MCM7: variants seen among roughly 807,000 people sequenced by gnomAD.
MCM7 encodes DNA replication licensing factor MCM7.
MCM7 carries 95 observed loss-of-function variants against 83.5 expected under a neutral mutation model. The ratio of observed to expected loss-of-function variants is 1.14; its 90% confidence interval spans 0.96 to 1.35. MCM7 has a LOEUF of 1.35. Ranked by LOEUF, MCM7 falls within the 40% of genes most tolerant of loss-of-function variation. The probability of loss-of-function intolerance (pLI) is 0.00; values close to 1 mark genes in which losing one functional copy is unlikely to be tolerated. For missense variants in MCM7, 1,087 were observed against 957.4 expected, an observed-to-expected ratio of 1.14 and a Z score of -1.79; for synonymous variants, 461 against 352.7, an observed-to-expected ratio of 1.31 and a Z score of -3.44.
chr7:100,100,164 A>T, intron 1 of MCM7, 71 bp from the exon 2 acceptor site: 1 of 1,579,498 alleles, frequency 6.3e-7, no homozygotes. Context: ...TTTCGCTTAA[A>T]ACACGACCTA....
rs781437437 is a variant in MCM7, at chr7:100,100,053, A to G, written c.72T>C (p.Asp24=). The change falls in exon 2 of 15, where the codon GAT becomes GAC. Residue 24 remains aspartate (D), a synonymous_variant. Transcript: ENST00000303887. ...ACTTGAACTGCTTCTTCCCGAGTTC[A>G]TCATCCTGGTAGAACTCTTGTAAGA... is the stretch of plus-strand genomic sequence containing the variant. ...KKFLQEFYQD[D]ELGKKQFKYG... is the part of the protein sequence containing the mutation. 4 of 1,614,160 alleles carry G rather than the reference A, an allele frequency of 2.5e-6. No homozygotes were observed. The highest frequency in any genetic ancestry group is 3.4e-6 in the Non-Finnish European group (4 of 1,179,982).
At chr7:100,100,123 A>G (rs1231432953) in intron 1 of MCM7, 30 bp from the exon 2 acceptor site, 3 of 1,611,676 alleles carry the variant, frequency 1.9e-6, no homozygotes, top group East Asian at 2.2e-5. Context: ...ACCGTAAGAC[A>G]CAAACTTTAA....
chr7:100,092,901 AGAG>A lies in MCM7; in HGVS notation c.*28_*30del, dbSNP rs1795387278. 2 of 1,613,572 alleles carry A rather than the reference AGAG, an allele frequency of 1.2e-6. No individual in the cohort carries two copies. Among genetic ancestry groups the A allele is most frequent in the Non-Finnish European group, 1.7e-6 (2 of 1,179,634 alleles). ...CCAAGGGGCAGGCCAGCAGGGAACAAGAGGACCCCAGGGTTGCAAGCAGGCTGG... is the reference window on the plus strand; with the variant it reads ...CCAAGGGGCAGGCCAGCAGGGAACAAGACCCCAGGGTTGCAAGCAGGCTGG... On this transcript the variant is annotated 3_prime_UTR_variant, in exon 15 of 15. Coordinates refer to ENST00000303887, the MANE Select transcript of MCM7 (RefSeq NM_005916.5).
chr7:100,094,967 G>A (rs1795540220), intron 12 of MCM7, among the ~76,000 whole-genome samples: 1 of 152,112 alleles, frequency 6.6e-6, no homozygotes, highest in South Asian at 2.1e-4. Flanking sequence ...CCAGCACTTT[G>A]GGAGGCAGAG....
rs1310309848 is a variant in MCM7 at position 100,093,300 on chromosome 7, C to G, written c.1950G>C (p.Gln650His). ...SKDSLLGDKG[Q>H]TARTQRPADV... ...TTCACTAAACCACTCACCTAGCTGT[C>G]TGCCCCTTGTCTCCTAGAAGAGAGT... Residue 650 changes from glutamine to histidine, a missense_variant, in exon 14 of 15, where the codon CAG becomes CAC. Transcript: ENST00000303887. The G allele has an allele frequency of 6.2e-7, 1 of 1,613,548 alleles. No individual in the cohort carries two copies. Among genetic ancestry groups the G allele is most frequent in the Admixed American group, 1.7e-5 (1 of 60,030 alleles).
Position 100,092,796 on chromosome 7 carries a change from CTT to C in MCM7, c.*134_*135del, listed in dbSNP as rs1024753829. 38 of 901,192 alleles carry C rather than the reference CTT, an allele frequency of 4.2e-5. No homozygotes were observed. In the African/African-American group the frequency reaches 4.5e-4, roughly 11 times the overall value. The allele number at this position is 901,192 out of a possible 1,614,324, so 55.8% of individuals were successfully genotyped here. ...GCTAGAAGATGACAATCTACAAACA[CTT>C]TTATTAGCAAAAGGAGTAAGTGCAG... On this transcript the variant is annotated 3_prime_UTR_variant, in exon 15 of 15. Transcript: ENST00000303887.
At position 100,093,022 on chromosome 7, in the gene MCM7, T is replaced by C; in HGVS notation, c.2070A>G (p.Thr690=). The part of the protein sequence containing the change: ...AEQRCVSRGF[T]PAQFQAALDE... ...CCAGAGCCGCCTGGAACTGGGCGGGTGTGAAGCCACGAGATACACAGCGCT... is the reference window on the plus strand; with the variant it reads ...CCAGAGCCGCCTGGAACTGGGCGGGCGTGAAGCCACGAGATACACAGCGCT... Residue 690 remains threonine (T), a synonymous_variant, in exon 15 of 15, where the codon ACA becomes ACG. Transcript: ENST00000303887. 4.3e-6 allele frequency: 7 copies of C among 1,614,120 alleles called. No individual in the cohort carries two copies. Among genetic ancestry groups the C allele is most frequent in the South Asian group, 1.1e-5 (1 of 91,078 alleles).
At chr7:100,098,797 C>A (rs543822923) in intron 5 of MCM7, 82 bp from the exon 6 acceptor site, 2 of 1,557,628 alleles carry the variant, frequency 1.3e-6, no homozygotes, top group African/African-American at 1.4e-5. Flanking sequence ...CACATTTTCT[C>A]TTCATGGCAG....
At chr7:100,101,138 C>A in intron 1 of MCM7, 126 bp downstream of exon 1, 2 of 1,225,120 alleles carry the variant, frequency 1.6e-6, no homozygotes, top group South Asian at 1.3e-5. Context: ...CAGCTCGACC[C>A]TGCCTCTGGC....
Position 100,099,296 on chromosome 7 carries a change from A to G in MCM7, c.384T>C (p.Ala128=). The stretch of plus-strand genomic sequence containing the variant: ...CCACTCACAATCTGCGCATGAGTTC[A>G]GCAGGGTACTGGTTCTGGGGGCTTC... ...MVRSPQNQYP[A]ELMRRFELYF... is the part of the protein sequence containing the mutation. The change falls in exon 4 of 15, where the codon GCT becomes GCC. Residue 128 remains alanine, a synonymous_variant. Transcript: ENST00000303887. 1.2e-6 allele frequency: 2 copies of G among 1,614,134 alleles called. No individual in the cohort carries two copies. Among genetic ancestry groups the G allele is most frequent in the Non-Finnish European group, 1.7e-6 (2 of 1,180,022 alleles).
Position 100,094,322 on chromosome 7 carries a change from G to C in MCM7, c.1699C>G (p.Arg567Gly), listed in dbSNP as rs28665367. The C allele has an allele frequency of 6.2e-7, 1 of 1,614,104 alleles. No individual in the cohort carries two copies. Among genetic ancestry groups the C allele is most frequent in the South Asian group, 1.1e-5 (1 of 91,086 alleles). ...KLMRRYIAMC[R>G]EKQPMVPESL... is the part of the protein sequence containing the mutation. ...TCTGGCACCATGGGCTGCTTCTCGC[G>C]GCACATGGCTATGTAACGCCTGTGG... The change falls in exon 13 of 15, where the codon CGC becomes GGC. Residue 567 changes from arginine to glycine, a missense_variant. Coordinates refer to ENST00000303887, the MANE Select transcript of MCM7 (RefSeq NM_005916.5).
In MCM7 at chr7:100,097,707, G is replaced by A; in HGVS notation, c.1024C>T (p.Pro342Ser). The A allele has an allele frequency of 2.5e-6, 4 of 1,614,140 alleles. No homozygotes were observed. Among genetic ancestry groups the A allele is most frequent in the Non-Finnish European group, 3.4e-6 (4 of 1,180,034 alleles). Reference protein sequence around the residue: ...FYEKLAASIAPEIYGHEDVKK... With the variant: ...FYEKLAASIASEIYGHEDVKK... ...ACATCTTCATGCCCGTATATTTCTG[G>A]GGCGATTGAAGCTGCCAGCTTTTCG... The change falls in exon 9 of 15, where the codon CCA becomes TCA. Residue 342 changes from proline to serine, a missense_variant. Pro to Ser is a moderately conservative substitution (Grantham distance 74). Transcript: ENST00000303887.
Position 100,099,707 on chromosome 7 carries a change from T to C in MCM7, c.158A>G (p.Asp53Gly). The change falls in exon 3 of 15, where the codon GAC becomes GGC. Residue 53 changes from aspartate (D) to glycine (G), a missense_variant. Transcript: ENST00000303887. ...REQVALYVDL[D>G]DVAEDDPELV... ...CTCGGGGTCATCCTCGGCTACGTCG[T>C]CCAGGTCCACATACAGAGCCACCTG... 6.2e-7 allele frequency: 1 copy of C among 1,614,154 alleles called. No homozygotes were observed. The highest frequency in any genetic ancestry group is 8.5e-7 in the Non-Finnish European group (1 of 1,180,038).
At position 100,098,684 on chromosome 7, in the gene MCM7, A is replaced by G. The variant is rs748332749; in HGVS notation, c.614T>C (p.Met205Thr). Residue 205 changes from methionine (M) to threonine (T), a missense_variant, in exon 6 of 15, where the codon ATG (methionine) becomes ACG (threonine). Coordinates refer to ENST00000303887, the MANE Select transcript of MCM7 (RefSeq NM_005916.5). Reference sequence around the variant, plus strand: ...GGTTTGGCACTCCTGGCTTGGGCACATGATCAGAGGCATGAAAGTGGGAGA... The same window carrying G: ...GGTTTGGCACTCCTGGCTTGGGCACGTGATCAGAGGCATGAAAGTGGGAGA... The part of the protein sequence containing the change: ...IQSPTFMPLI[M>T]CPSQECQTNR... 1.5e-5 allele frequency: 24 copies of G among 1,614,018 alleles called. No homozygotes were observed. The highest frequency in any genetic ancestry group is 1.8e-5 in the Non-Finnish European group (21 of 1,180,020).
rs2307350 is a variant in MCM7, at chr7:100,095,992, G to A, written c.1377C>T (p.His459=). 2.0e-3 allele frequency: 3,207 copies of A among 1,614,032 alleles called. 45 individuals are homozygous for A. The African/African-American group carries it at 0.039, about 20-fold the overall frequency. Residue 459 remains histidine, a synonymous_variant, in exon 11 of 15, where the codon CAC becomes CAT. Coordinates refer to ENST00000303887, the MANE Select transcript of MCM7 (RefSeq NM_005916.5). Reference sequence around the variant, plus strand: ...AGATGGTCTGCTGCTCCATGACCTCGTGGATGGCTGTGCGGTCGGCCTCAG... The same window carrying A: ...AGATGGTCTGCTGCTCCATGACCTCATGGATGGCTGTGCGGTCGGCCTCAG... ...KMAEADRTAI[H]EVMEQQTISI...
At position 100,099,459 on chromosome 7, in the gene MCM7, G is replaced by C. The variant is rs570185361; in HGVS notation, c.277-56C>G. ...AAAGAGCAACAGGATGGGGAAAGGAGAGCACAGAGAACACCAGGCAGAAGT... is the reference window on the plus strand; with the variant it reads ...AAAGAGCAACAGGATGGGGAAAGGACAGCACAGAGAACACCAGGCAGAAGT... On this transcript the variant is annotated intron_variant, in intron 3 of 14. Coordinates refer to ENST00000303887, the MANE Select transcript of MCM7 (RefSeq NM_005916.5). 5 of 1,585,828 alleles carry C rather than the reference G, an allele frequency of 3.2e-6. No homozygotes were observed. In the East Asian group the frequency reaches 6.7e-5, roughly 21 times the overall value.
At position 100,098,265 on chromosome 7, in the gene MCM7, A is replaced by G. The variant is rs753883354; in HGVS notation, c.746T>C (p.Ile249Thr). The change falls in exon 7 of 15, where the codon ATC becomes ACC. Residue 249 changes from isoleucine to threonine, a missense_variant. Ile to Thr is a moderately conservative substitution (Grantham distance 89). Transcript: ENST00000303887. ...TACCAGCACCGTGATACTACGAGGG[A>G]TATTTCCCACAGGCACCTGATCACT... is the stretch of plus-strand genomic sequence containing the variant. ...EHSDQVPVGN[I>T]PRSITVLVEG... 13 of 1,614,014 alleles carry G rather than the reference A, an allele frequency of 8.1e-6. No homozygotes were observed. The highest frequency in any genetic ancestry group is 3.3e-5 in the Admixed American group (2 of 59,984).
chr7:100,096,898 C>T (rs1476267978), intron 10 of MCM7, among the ~76,000 whole-genome samples: 1 of 152,098 alleles, frequency 6.6e-6, no homozygotes, highest in African/African-American at 2.4e-5. Context: ...GTCAGGATAT[C>T]GAGACCATCT....
rs749189763 is a variant in MCM7 at position 100,099,418 on chromosome 7, C to CAAAAAAAAAAAAAAAA, written c.277-31_277-16dup. ...TTATTTACCACCTAAAGGAGAAGAA[C>CAAAAAAAAAAAAAAAA]AAAAAAAAAAAAAAAAAAGAGCAAC... On this transcript the variant is annotated splice_polypyrimidine_tract_variant and intron_variant, in intron 3 of 14. Coordinates refer to ENST00000303887, the MANE Select transcript of MCM7 (RefSeq NM_005916.5). 1,352 of 1,303,266 alleles carry CAAAAAAAAAAAAAAAA rather than the reference C, an allele frequency of 1.0e-3. 9 individuals are homozygous for CAAAAAAAAAAAAAAAA. Among genetic ancestry groups the CAAAAAAAAAAAAAAAA allele is most frequent in the South Asian group, 1.8e-3 (110 of 62,292 alleles). The allele number at this position is 1,303,266 out of a possible 1,614,324, so 80.7% of individuals were successfully genotyped here.
Sources: allele counts gnomAD v4.1 joint callset (sites outside exome capture counted in the v4.1 genomes callset), GRCh38; gene constraint gnomAD v4.1.1; transcripts MANE v1.5; gene names NCBI Gene and HGNC (gene_info 2026-07-23, HGNC 2026-07-21).